Variants in DYNLL1 observed in about 807,000 individuals in gnomAD.
DYNLL1 encodes dynein light chain 1, cytoplasmic.
DYNLL1 carries 3 observed loss-of-function variants against 10.1 expected under a neutral mutation model. The observed-to-expected ratio is 0.30, with a 90% CI of 0.14 to 0.77. The LOEUF is 0.77. Ranked by LOEUF, DYNLL1 falls within the 30% of genes least tolerant of loss-of-function variation. The pLI, the probability that DYNLL1 is intolerant of heterozygous loss-of-function variation, is 0.66. For synonymous variants in DYNLL1, 46 were observed against 41.2 expected, an observed-to-expected ratio of 1.12 and a Z score of -0.45; for missense variants, 47 against 111.7, an observed-to-expected ratio of 0.42 and a Z score of 2.61.
chr12:120,495,971 G>A, upstream of DYNLL1: 1 of 236,452 alleles, frequency 4.2e-6, no homozygotes, highest in Non-Finnish European at 8.4e-6. Context: ...GAAAGATCCT[G>A]AGGGAACCAT....
chr12:120,485,839 T>TAA (rs749971979), intron 1 of DYNLL1, among the ~76,000 whole-genome samples: 22,276 of 75,888 alleles, frequency 0.29, 3,695 homozygotes, highest in Admixed American at 0.39. Context: ...AGTCCCTGTC[T>TAA]AAAAAAAAAA....
At chr12:120,496,389 C>T in intron 1 of DYNLL1, 27 bp from the exon 2 acceptor site, 1 of 1,613,386 alleles carries the variant, frequency 6.2e-7, no homozygotes, top group Non-Finnish European at 8.5e-7. Flanking sequence ...CCCAACTCAA[C>T]CCCTTACCCC....
At chr12:120,470,906 G>A (rs993010722) in intron 1 of DYNLL1, among the ~76,000 whole-genome samples, 4 of 152,080 alleles carry the variant, frequency 2.6e-5, no homozygotes, top group African/African-American at 7.2e-5. Flanking sequence ...TTAGCTGGGC[G>A]TGGTGGCGTG....
chr12:120,483,726 T>A (rs1878933573), intron 1 of DYNLL1, among the ~76,000 whole-genome samples: 1 of 152,008 alleles, frequency 6.6e-6, no homozygotes, highest in African/African-American at 2.4e-5. Context: ...TTTAAAGCCA[T>A]GAAAATGGAG....
chr12:120,493,004 T>C (rs1269959167), upstream of DYNLL1, among the ~76,000 whole-genome samples: 2 of 152,110 alleles, frequency 1.3e-5, no homozygotes, highest in African/African-American at 4.8e-5. Flanking sequence ...TTTTTGTGCA[T>C]AATTCCAGAG....
upstream of DYNLL1, chr12:120,496,034 T>G (rs1868371599): frequency 5.8e-6 from 2 of 342,238 alleles, no homozygotes; most frequent in East Asian, 1.4e-4. Context: ...GCCAATAGGG[T>G]CGCGCGGCGA....
At chr12:120,487,720 G>A (rs914407884) in intron 1 of DYNLL1, among the ~76,000 whole-genome samples, 5 of 152,128 alleles carry the variant, frequency 3.3e-5, no homozygotes, top group Non-Finnish European at 5.9e-5. Flanking sequence ...GCACGTGACC[G>A]TTGCCAAGCA....
chr12:120,496,216 G>A lies in DYNLL1; in HGVS notation c.-7G>A, dbSNP rs1868389762. ...GCAGTCGGCCAGCCCCCTTCTCCAC[G>A]GTGAGAAACTCGGGGGGCCAGGGGG... On this transcript the variant is annotated splice_region_variant and 5_prime_UTR_variant, in exon 1 of 3. Transcript: ENST00000242577. 2 of 723,924 alleles carry A rather than the reference G, an allele frequency of 2.8e-6. No homozygotes were observed. The highest frequency in any genetic ancestry group is 4.5e-6 in the Non-Finnish European group (2 of 442,898). 44.8% of individuals were successfully genotyped at this position (723,924 alleles called of 1,614,324 possible). A position where few individuals can be genotyped will look rare whatever the true frequency, so the allele number is the denominator to read the frequency against.
In DYNLL1 at chr12:120,471,123, G is replaced by A. The variant is rs866450479; in HGVS notation, c.-7+1019G>A. ...TCATGCCTGTAATCCCAGCACTTTA[G>A]GAGGCTGAGGTGGGTGGATCACTTG... On this transcript the variant is annotated intron_variant, in intron 1 of 2. Coordinates refer to the DYNLL1 transcript ENST00000392509. 2.1e-4 allele frequency among the ~76,000 whole-genome samples: 32 copies of A among 151,908 alleles called. 1 individual carries two copies. The highest frequency in any genetic ancestry group is 6.3e-4 in the African/African-American group (26 of 41,322).
chr12:120,492,793 G>C (rs1004951784), upstream of DYNLL1, among the ~76,000 whole-genome samples: 13 of 152,302 alleles, frequency 8.5e-5, no homozygotes, highest in African/African-American at 3.1e-4. The surrounding 1 kb of genome is among the most constrained non-coding windows in gnomAD (Gnocchi z 4.1). Flanking sequence ...ATAGTAAGTT[G>C]CCAAAATGTG....
chr12:120,491,411 A>G (rs962505048), upstream of DYNLL1: 1 of 152,302 alleles, frequency 6.6e-6, no homozygotes, highest in African/African-American at 2.4e-5. Flanking sequence ...AGGCCTTGCA[A>G]TCTCTCCCAC....
chr12:120,470,715 C>T (rs977235523), intron 1 of DYNLL1, among the ~76,000 whole-genome samples: 2 of 151,732 alleles, frequency 1.3e-5, no homozygotes, highest in African/African-American at 4.8e-5. Flanking sequence ...GGATTACCGG[C>T]TTGAGCCCGG....
At chr12:120,497,490 C>T (rs982724961) in intron 2 of DYNLL1, 1 of 152,406 alleles carries the variant, frequency 6.6e-6, no homozygotes, top group African/African-American at 2.4e-5. Context: ...TTGACAGATT[C>T]TGTTTCCAGC....
chr12:120,487,380 A>G lies in DYNLL1; in HGVS notation c.-6-9036A>G, dbSNP rs769914234. ...CGATCTCGGCTCATTACACATGTGC[A>G]GTATTTACTGGGTTCACACCATTCT... On this transcript the variant is annotated intron_variant, in intron 1 of 2. Coordinates refer to the DYNLL1 transcript ENST00000392509. Among the ~76,000 whole-genome samples, 5 of 117,272 alleles carry G rather than the reference A, an allele frequency of 4.3e-5. No individual in the cohort carries two copies. The Admixed American group carries it at 4.7e-4, about 11-fold the overall frequency. The allele number at this position is 117,272 out of a possible 152,430, so 76.9% of individuals were successfully genotyped here. A position where few individuals can be genotyped will look rare whatever the true frequency, so the allele number is the denominator to read the frequency against.
intron 1 of DYNLL1, chr12:120,490,444 C>T (rs1210898018): frequency 6.6e-5 from 10 of 152,220 alleles, no homozygotes; most frequent in Non-Finnish European, 5.9e-5. Flanking sequence ...GCCTTGTTAG[C>T]TCCTAGAGCA....
chr12:120,477,773 T>A (rs923976268), intron 1 of DYNLL1, among the ~76,000 whole-genome samples: 5 of 151,784 alleles, frequency 3.3e-5, no homozygotes, highest in African/African-American at 1.2e-4. Flanking sequence ...AGACCCCGTC[T>A]CTGAAAAATA....
chr12:120,486,902 C>G (rs998889152), intron 1 of DYNLL1, among the ~76,000 whole-genome samples: 1 of 152,136 alleles, frequency 6.6e-6, no homozygotes, highest in Non-Finnish European at 1.5e-5. Flanking sequence ...CATATGAATC[C>G]CTACCCACTA....
At chr12:120,471,438 G>C (rs2137055132) in intron 1 of DYNLL1, among the ~76,000 whole-genome samples, 1 of 152,122 alleles carries the variant, frequency 6.6e-6, no homozygotes, top group Admixed American at 6.5e-5. Context: ...TAATCAGAAG[G>C]TAGTTGATTT....
intron 1 of DYNLL1, among the ~76,000 whole-genome samples, chr12:120,481,304 A>G (rs1279246215): frequency 1.3e-5 from 2 of 152,214 alleles, no homozygotes; most frequent in African/African-American, 2.4e-5. Flanking sequence ...CAGTTCTGAC[A>G]CTAACTACCC....
Sources: allele counts gnomAD v4.1 joint callset (sites outside exome capture counted in the v4.1 genomes callset), GRCh38; gene constraint gnomAD v4.1.1; non-coding constraint Gnocchi (gnomAD v3.1); transcripts MANE v1.5; gene names NCBI Gene and HGNC (gene_info 2026-07-23, HGNC 2026-07-21).